Variants in SDK1 observed in about 807,000 individuals in gnomAD.
SDK1 encodes sidekick cell adhesion molecule 1.
A neutral mutation model predicts 245.5 loss-of-function variants in SDK1; 157 were observed. That is an observed-to-expected ratio of 0.64 (90% CI 0.56 to 0.73). The LOEUF (loss-of-function observed/expected upper bound fraction) is 0.73, where lower values mean the gene tolerates loss of function less well. Ranked by LOEUF, SDK1 falls within the 30% of genes least tolerant of loss-of-function variation. SDK1 has a pLI of 0.00. For missense variants in SDK1, 3,583 were observed against 3,002.3 expected, an observed-to-expected ratio of 1.19 and a Z score of -4.52; for synonymous variants, 1,647 against 1,278.5, an observed-to-expected ratio of 1.29 and a Z score of -6.15.
At chr7:3,504,298 A>C (rs1036815835) in intron 1 of SDK1, among the ~76,000 whole-genome samples, 3 of 149,924 alleles carry the variant, frequency 2.0e-5, no homozygotes. Flanking sequence ...TTGTTGCAGA[A>C]TTTGACCAGC....
At chr7:3,734,158 C>T (rs369615477) in intron 4 of SDK1, among the ~76,000 whole-genome samples, 23 of 152,236 alleles carry the variant, frequency 1.5e-4, no homozygotes, top group African/African-American at 5.3e-4. Flanking sequence ...GCTATAGTTC[C>T]CTTACCTATA....
intron 4 of SDK1, among the ~76,000 whole-genome samples, chr7:3,796,478 G>C (rs538172473): frequency 6.6e-6 from 1 of 152,146 alleles, no homozygotes; most frequent in Non-Finnish European, 1.5e-5. Flanking sequence ...CACATTCCCT[G>C]CCCAGAGCAG....
At chr7:3,728,140 G>A (rs900960050) in intron 4 of SDK1, among the ~76,000 whole-genome samples, 1 of 152,238 alleles carries the variant, frequency 6.6e-6, no homozygotes, top group Non-Finnish European at 1.5e-5. Context: ...ACCATGTGAA[G>A]GGCCCATGCC....
chr7:3,752,860 AAC>A (rs1779813845), intron 4 of SDK1, among the ~76,000 whole-genome samples: 1 of 152,220 alleles, frequency 6.6e-6, no homozygotes, highest in Admixed American at 6.5e-5. Flanking sequence ...CTATTATCTT[AAC>A]ACAGTCTTGG....
intron 1 of SDK1, among the ~76,000 whole-genome samples, chr7:3,497,546 A>T (rs1782063150): frequency 6.6e-6 from 1 of 152,188 alleles, no homozygotes; most frequent in Non-Finnish European, 1.5e-5. Context: ...ATATAATACC[A>T]TATATGATCT....
intron 35 of SDK1, 150 bp downstream of exon 35, chr7:4,178,736 G>T: frequency 1.6e-6 from 1 of 611,768 alleles, no homozygotes; most frequent in South Asian, 1.9e-5. Context: ...CACGCCACTG[G>T]CAGGGAAAGA....
chr7:3,670,678 G>T, intron 4 of SDK1, among the ~76,000 whole-genome samples: 1 of 152,122 alleles, frequency 6.6e-6, no homozygotes, highest in East Asian at 1.9e-4. Flanking sequence ...AATTCTCGTT[G>T]CTCTCCCCAC....
intron 1 of SDK1, among the ~76,000 whole-genome samples, chr7:3,555,489 A>T (rs187041570): frequency 2.0e-5 from 3 of 152,232 alleles, no homozygotes; most frequent in Admixed American, 6.5e-5. Flanking sequence ...AACATTGGGG[A>T]AACTCTCCAG....
intron 17 of SDK1, among the ~76,000 whole-genome samples, chr7:4,025,041 C>G (rs1583863321): frequency 7.0e-6 from 1 of 143,544 alleles, no homozygotes; most frequent in Non-Finnish European, 1.5e-5. Context: ...CACACACACA[C>G]ACACACACAA....
intron 35 of SDK1, among the ~76,000 whole-genome samples, chr7:4,205,011 C>A (rs870395): frequency 0.035 from 5,175 of 149,888 alleles, 303 homozygotes; most frequent in South Asian, 0.043. Context: ...TGGTAAGGCG[C>A]GGAGGTGCGG....
At chr7:3,590,581 A>C (rs1307296726) in intron 1 of SDK1, among the ~76,000 whole-genome samples, 4 of 152,174 alleles carry the variant, frequency 2.6e-5, no homozygotes, top group African/African-American at 9.6e-5. Context: ...CTATTAATTA[A>C]AATGAAAAGT....
At chr7:3,917,153 C>T (rs1779413524) in intron 5 of SDK1, among the ~76,000 whole-genome samples, 1 of 152,154 alleles carries the variant, frequency 6.6e-6, no homozygotes, top group East Asian at 1.9e-4. Context: ...GAGCATACAC[C>T]TTCAAAATTC....
intron 19 of SDK1, among the ~76,000 whole-genome samples, chr7:4,052,174 C>T (rs867478493): frequency 0.014 from 2,070 of 147,944 alleles, 66 homozygotes; most frequent in African/African-American, 0.049. Flanking sequence ...ATGATCCCCC[C>T]CCCCCCGACG....
intron 1 of SDK1, among the ~76,000 whole-genome samples, chr7:3,455,656 G>A (rs186573752): frequency 2.0e-5 from 3 of 151,908 alleles, no homozygotes; most frequent in Admixed American, 6.6e-5. Context: ...TTCCTCCACC[G>A]ATACCACACA....
At position 4,268,948 on chromosome 7, in the gene SDK1, A is replaced by G; in HGVS notation, c.*3564A>G. On this transcript the variant is annotated 3_prime_UTR_variant, in exon 45 of 45. Transcript: ENST00000404826. ...AAAAAGAAACAACTTGTAGGAAGAC[A>G]GAGAGGTGCTATGGGTACAATTTTT... 1 of 323,034 alleles carries G rather than the reference A, an allele frequency of 3.1e-6. No individual in the cohort carries two copies. Among genetic ancestry groups the G allele is most frequent in the South Asian group, 2.5e-5 (1 of 39,862 alleles). The allele number at this position is 323,034 out of a possible 1,614,324, so 20.0% of individuals were successfully genotyped here.
intron 1 of SDK1, among the ~76,000 whole-genome samples, chr7:3,309,985 C>T (rs983992394): frequency 6.6e-6 from 1 of 152,140 alleles, no homozygotes; most frequent in East Asian, 1.9e-4. Context: ...TGGGGTATCA[C>T]AGTATAATTA....
At chr7:3,486,191 C>T (rs1781688983) in intron 1 of SDK1, among the ~76,000 whole-genome samples, 1 of 151,700 alleles carries the variant, frequency 6.6e-6, no homozygotes. Context: ...CTTCTAGTAT[C>T]TGTTTTGCTT....
At chr7:3,582,539 G>C (rs990891134) in intron 1 of SDK1, among the ~76,000 whole-genome samples, 1 of 152,076 alleles carries the variant, frequency 6.6e-6, no homozygotes, top group African/African-American at 2.4e-5. Context: ...GGAGGGTGGA[G>C]GGTGGGAGGA....
chr7:4,097,396 C>T (rs1390247574), intron 22 of SDK1, among the ~76,000 whole-genome samples: 6 of 152,294 alleles, frequency 3.9e-5, no homozygotes, highest in South Asian at 4.1e-4. Context: ...TGAGCAGTGC[C>T]GCATCTCCCC....
Sources: gnomAD v4.1 joint callset for allele counts (sites outside exome capture counted in the v4.1 genomes callset) on GRCh38, gnomAD v4.1.1 for gene constraint, MANE v1.5 for transcripts, NCBI Gene and HGNC (gene_info 2026-07-23, HGNC 2026-07-21) for gene names.